Variants in KIF2A observed in about 807,000 individuals in gnomAD.
KIF2A encodes kinesin-like protein KIF2A.
Under a neutral mutation model 100.2 loss-of-function variants are expected in KIF2A, and 22 were observed. The observed-to-expected ratio is 0.22, with a 90% CI of 0.16 to 0.31. The LOEUF (loss-of-function observed/expected upper bound fraction) is 0.31. Ranked by LOEUF, KIF2A falls within the 10% of genes least tolerant of loss-of-function variation. KIF2A has a pLI of 1.00. For missense variants in KIF2A, 495 were observed against 898.7 expected, an observed-to-expected ratio of 0.55 and a Z score of 5.74; for synonymous variants, 268 against 285.9, an observed-to-expected ratio of 0.94 and a Z score of 0.63.
Position 62,382,073 on chromosome 5 carries a change from G to T in KIF2A, c.2149+820G>T, listed in dbSNP as rs908691022. On this transcript the variant is annotated intron_variant, in intron 20 of 20. Coordinates refer to ENST00000407818, the MANE Select transcript of KIF2A (RefSeq NM_001098511.3). Reference sequence around the variant, plus strand: ...TTTGTTTAGGTGTGAGTGACCATCTGGATGTGTGTGTACACGCAATCCAAC... The same window carrying T: ...TTTGTTTAGGTGTGAGTGACCATCTTGATGTGTGTGTACACGCAATCCAAC... 2.6e-5 allele frequency among the ~76,000 whole-genome samples: 4 copies of T among 152,036 alleles called. No individual in the cohort carries two copies. The East Asian group carries it at 7.7e-4, about 29-fold the overall frequency.
chr5:62,336,138 A>G (rs748068552), intron 1 of KIF2A, among the ~76,000 whole-genome samples: 24 of 152,236 alleles, frequency 1.6e-4, no homozygotes, highest in Non-Finnish European at 2.9e-4. Context: ...ATGGATTAGT[A>G]ATGGAACAGG....
intron 4 of KIF2A, among the ~76,000 whole-genome samples, chr5:62,350,858 G>C (rs1269664439): frequency 1.3e-5 from 2 of 151,026 alleles, no homozygotes; most frequent in African/African-American, 4.9e-5. Context: ...GTTGCAGTAA[G>C]CCAAGATCGC....
At chr5:62,336,883 A>G (rs1276426807) in intron 1 of KIF2A, among the ~76,000 whole-genome samples, 2 of 152,242 alleles carry the variant, frequency 1.3e-5, no homozygotes, top group African/African-American at 4.8e-5. Flanking sequence ...AGGTGAGATT[A>G]AGAGAAAAAA....
In KIF2A at chr5:62,372,561, A is replaced by G; in HGVS notation, c.1760+10A>G. The G allele has an allele frequency of 7.5e-7, 1 of 1,335,326 alleles. No individual in the cohort carries two copies. Among genetic ancestry groups the G allele is most frequent in the East Asian group, 2.3e-5 (1 of 43,556 alleles). 82.7% of individuals were successfully genotyped at this position (1,335,326 alleles called of 1,614,324 possible). On this transcript the variant is annotated intron_variant, in intron 17 of 20. Coordinates refer to ENST00000407818, the MANE Select transcript of KIF2A (RefSeq NM_001098511.3). ...CTCCTTCAGTTACCAGGTCTACTTC[A>G]TTCTATACATAAGATGTTTATTTGT...
At chr5:62,351,271 T>G (rs1747844380) in intron 4 of KIF2A, among the ~76,000 whole-genome samples, 1 of 151,968 alleles carries the variant, frequency 6.6e-6, no homozygotes, top group Admixed American at 6.6e-5. Flanking sequence ...ATAAAATGGA[T>G]GAGATGAATA....
intron 10 of KIF2A, 22 bp from the exon 11 acceptor site, chr5:62,361,444 T>G (rs973160246): frequency 6.6e-6 from 10 of 1,514,104 alleles, no homozygotes; most frequent in Non-Finnish European, 7.3e-6. Flanking sequence ...TGTCTGTTCT[T>G]TATTTTCTTT....
Position 62,353,260 on chromosome 5 carries a change from A to G in KIF2A, c.458-15A>G, listed in dbSNP as rs754680482. 1 of 1,448,918 alleles carries G rather than the reference A, an allele frequency of 6.9e-7. No homozygotes were observed. The highest frequency in any genetic ancestry group is 9.3e-7 in the Non-Finnish European group (1 of 1,075,946). 89.8% of individuals were successfully genotyped at this position (1,448,918 alleles called of 1,614,324 possible). On this transcript the variant is annotated splice_polypyrimidine_tract_variant and intron_variant, in intron 5 of 20. Coordinates refer to ENST00000407818, the MANE Select transcript of KIF2A (RefSeq NM_001098511.3). The stretch of plus-strand genomic sequence containing the variant: ...AAAGAAAACTATACTTCTACAGCTC[A>G]TCTTTTCTTTTCAGCACGTAGAAAA...
rs781144768 is a variant in KIF2A at position 62,372,570 on chromosome 5, A to C, written c.1760+19A>C. On this transcript the variant is annotated intron_variant, in intron 17 of 20. Transcript: ENST00000407818. ...TTACCAGGTCTACTTCATTCTATAC[A>C]TAAGATGTTTATTTGTATACTTTCT... is the stretch of plus-strand genomic sequence containing the variant. 7.8e-7 allele frequency: 1 copy of C among 1,277,926 alleles called. No individual in the cohort carries two copies. Among genetic ancestry groups the C allele is most frequent in the Non-Finnish European group, 1.1e-6 (1 of 885,246 alleles). The allele number at this position is 1,277,926 out of a possible 1,614,324, so 79.2% of individuals were successfully genotyped here.
chr5:62,357,281 T>A (rs1441897807), intron 7 of KIF2A, among the ~76,000 whole-genome samples: 5 of 143,732 alleles, frequency 3.5e-5, no homozygotes, highest in South Asian at 2.2e-4. Flanking sequence ...ATGGGGTTTC[T>A]CCATGTTGGC....
chr5:62,319,691 C>G (rs1746007267), intron 1 of KIF2A, among the ~76,000 whole-genome samples: 1 of 152,206 alleles, frequency 6.6e-6, no homozygotes, highest in South Asian at 2.1e-4. Context: ...TTCTCTTTCA[C>G]TGCTCTGTCT....
At chr5:62,379,574 A>G (rs2112002741) in intron 19 of KIF2A, among the ~76,000 whole-genome samples, 1 of 151,820 alleles carries the variant, frequency 6.6e-6, no homozygotes, top group South Asian at 2.1e-4. Flanking sequence ...AGGCAGGAGA[A>G]TTGCTTGAAC....
intron 19 of KIF2A, among the ~76,000 whole-genome samples, chr5:62,379,658 G>GC (rs1454616736): frequency 9.4e-6 from 1 of 105,898 alleles, no homozygotes; most frequent in Admixed American, 8.7e-5. Context: ...GTGAAACTCA[G>GC]GAAAAAAAAA....
intron 1 of KIF2A, among the ~76,000 whole-genome samples, chr5:62,331,955 T>A (rs1746679571): frequency 6.6e-6 from 1 of 152,210 alleles, no homozygotes; most frequent in Non-Finnish European, 1.5e-5. Flanking sequence ...TTTAAATACT[T>A]GTAATGAAAT....
intron 15 of KIF2A, among the ~76,000 whole-genome samples, chr5:62,365,575 ATTTTCT>A (rs554808566): frequency 1.6e-3 from 241 of 150,940 alleles, no homozygotes; most frequent in Middle Eastern, 3.4e-3. Context: ...GTCTTTCTTG[ATTTTCT>A]TTTTCTTTTT....
In KIF2A at chr5:62,372,454, A is replaced by T; in HGVS notation, c.1663A>T (p.Ile555Phe). Residue 555 changes from isoleucine (I) to phenylalanine (F), a missense_variant, in exon 17 of 21, where the codon ATT becomes TTT. Ile to Phe is a conservative substitution (Grantham distance 21, BLOSUM62 0). Transcript: ENST00000407818. ...RYANRVKEFG[I>F]SPSDIPFSQG... ...GTGCTGCAGAGTAAAGGAGTTTGGA[A>T]TTAGTCCATCAGACATTCCCTTCTC... 1 of 1,608,110 alleles carries T rather than the reference A, an allele frequency of 6.2e-7. No homozygotes were observed.
chr5:62,311,221 T>G (rs771008598), intron 1 of KIF2A, among the ~76,000 whole-genome samples: 25 of 152,200 alleles, frequency 1.6e-4, no homozygotes, highest in Non-Finnish European at 3.5e-4. Context: ...TATCAAGAAC[T>G]ATGACAGTAA....
chr5:62,363,976 G>T, intron 14 of KIF2A, 77 bp downstream of exon 14: 1 of 1,121,946 alleles, frequency 8.9e-7, no homozygotes, highest in East Asian at 2.6e-5. Context: ...CAAAATAGTA[G>T]TACTTGTTTT....
rs148411444 is a variant in KIF2A, at chr5:62,366,396, AT to A, written c.1579-8del. 4,258 of 1,352,852 alleles carry A rather than the reference AT, an allele frequency of 3.1e-3. No homozygotes were observed. Among genetic ancestry groups the A allele is most frequent in the Admixed American group, 4.3e-3 (199 of 46,392 alleles). 83.8% of individuals were successfully genotyped at this position (1,352,852 alleles called of 1,614,324 possible). ...TTTATAACATTTTGTTTACCTTTGCATTTTTTTTTTCCTGTAGATTGCCACA... is the reference window on the plus strand; with the variant it reads ...TTTATAACATTTTGTTTACCTTTGCATTTTTTTTTCCTGTAGATTGCCACA... On this transcript the variant is annotated splice_polypyrimidine_tract_variant and intron_variant, in intron 15 of 20. Transcript: ENST00000407818.
rs550491328 is a variant in KIF2A at position 62,325,284 on chromosome 5, C to T, written c.64+18748C>T. Among the ~76,000 whole-genome samples, 20 of 152,024 alleles carry T rather than the reference C, an allele frequency of 1.3e-4. No individual in the cohort carries two copies. In the East Asian group the frequency reaches 3.3e-3, roughly 25 times the overall value. Reference sequence around the variant, plus strand: ...GATCATAGGTGCCCGCCACTATGCCCGGCTAATTTTTGTATTTATAGTAGA... The same window carrying T: ...GATCATAGGTGCCCGCCACTATGCCTGGCTAATTTTTGTATTTATAGTAGA... On this transcript the variant is annotated intron_variant, in intron 1 of 20. Transcript: ENST00000407818.
Sources: gnomAD v4.1 joint callset for allele counts (sites outside exome capture counted in the v4.1 genomes callset) on GRCh38, gnomAD v4.1.1 for gene constraint, MANE v1.5 for transcripts, NCBI Gene and HGNC (gene_info 2026-07-23, HGNC 2026-07-21) for gene names.